Variants in KIF26B observed in about 807,000 individuals in gnomAD.
KIF26B encodes kinesin-like protein KIF26B.
A neutral mutation model predicts 151.2 loss-of-function variants in KIF26B; 63 were observed. The observed-to-expected ratio is 0.42, with a 90% CI of 0.34 to 0.51. The LOEUF is 0.51. Ranked by LOEUF, KIF26B falls within the 20% of genes least tolerant of loss-of-function variation. KIF26B has a pLI of 0.07. For missense variants in KIF26B, 2,813 were observed against 2,913.6 expected (o/e 0.97, Z 0.79); for synonymous variants, 1,357 against 1,262.1 (o/e 1.08, Z -1.59).
chr1:245,448,644 T>G (rs1371846880), intron 4 of KIF26B, among the ~76,000 whole-genome samples: 1 of 152,224 alleles, frequency 6.6e-6, no homozygotes, highest in African/African-American at 2.4e-5. Flanking sequence ...CTCAAAAGCC[T>G]GGAGGACGCC....
At chr1:245,513,855 C>T (rs368131557) in intron 4 of KIF26B, among the ~76,000 whole-genome samples, 24 of 152,174 alleles carry the variant, frequency 1.6e-4, no homozygotes, top group South Asian at 6.2e-4. Flanking sequence ...AGTGTTACAT[C>T]GGCCCACATT....
chr1:245,270,572 A>G (rs1370086623), intron 2 of KIF26B, among the ~76,000 whole-genome samples: 1 of 152,152 alleles, frequency 6.6e-6, no homozygotes, highest in Non-Finnish European at 1.5e-5. Context: ...TTTTCCTTAC[A>G]GAAAGGTCTA....
At chr1:245,262,103 C>T (rs1370704440) in intron 2 of KIF26B, among the ~76,000 whole-genome samples, 2 of 152,124 alleles carry the variant, frequency 1.3e-5, no homozygotes, top group Admixed American at 6.5e-5. Flanking sequence ...ACACACAGAT[C>T]GGGCATGTCT....
chr1:245,495,174 G>T lies in KIF26B; in HGVS notation c.1167-45593G>T, dbSNP rs4338395. ...AGTACAAGACAGATTCAGTGAAATG[G>T]AATGCAAATCAGTTGAAAATATCCA... is the stretch of plus-strand genomic sequence containing the variant. On this transcript the variant is annotated intron_variant, in intron 4 of 14. Coordinates refer to ENST00000407071, the MANE Select transcript of KIF26B (RefSeq NM_018012.4). This position sits in a 1 kb window ranked among gnomAD's most constrained non-coding sequence, Gnocchi z 4.2. 0.033 allele frequency among the ~76,000 whole-genome samples: 5,039 copies of T among 152,230 alleles called. 132 individuals carry two copies. The highest frequency in any genetic ancestry group is 0.05 in the Non-Finnish European group (3,382 of 68,006).
intron 2 of KIF26B, among the ~76,000 whole-genome samples, chr1:245,256,837 G>A (rs1404597056): frequency 6.6e-6 from 1 of 152,136 alleles, no homozygotes; most frequent in African/African-American, 2.4e-5. Flanking sequence ...AGAAATAAAA[G>A]TATTTTGCCT....
In KIF26B at chr1:245,694,224, C is replaced by T. The variant is rs750613519; in HGVS notation, c.5825-3882C>T. On this transcript the variant is annotated intron_variant, in intron 12 of 14. Coordinates refer to ENST00000407071, the MANE Select transcript of KIF26B (RefSeq NM_018012.4). ...TGACAGCAGGCCACACAGCCAGCAT[C>T]GTTCTTCATCATGGAGCTGGCCCCT... 9.2e-5 allele frequency among the ~76,000 whole-genome samples: 14 copies of T among 152,248 alleles called. No individual in the cohort carries two copies. In the South Asian group the frequency reaches 1.7e-3, roughly 18 times the overall value.
chr1:245,205,518 G>A (rs1167572063), intron 2 of KIF26B, among the ~76,000 whole-genome samples: 1 of 152,048 alleles, frequency 6.6e-6, no homozygotes, highest in Non-Finnish European at 1.5e-5. Context: ...GAAAGATGTG[G>A]TTGAGAACTA....
chr1:245,293,837 C>A (rs747802412), intron 2 of KIF26B, among the ~76,000 whole-genome samples: 2 of 152,190 alleles, frequency 1.3e-5, no homozygotes, highest in Admixed American at 6.5e-5. Flanking sequence ...CTCGGCCTCC[C>A]AAAGTGCTGG....
At chr1:245,691,606 C>T (rs1337636758) in intron 12 of KIF26B, among the ~76,000 whole-genome samples, 1 of 152,176 alleles carries the variant, frequency 6.6e-6, no homozygotes, top group Non-Finnish European at 1.5e-5. Context: ...CTATAAAACT[C>T]CTCCAAGGAA....
At chr1:245,605,753 C>T (rs575663389) in intron 6 of KIF26B, among the ~76,000 whole-genome samples, 2 of 152,182 alleles carry the variant, frequency 1.3e-5, no homozygotes, top group Admixed American at 1.3e-4. Context: ...TTAACACACA[C>T]CAGATGGACA....
chr1:245,593,621 A>G (rs1333979615), intron 5 of KIF26B, among the ~76,000 whole-genome samples: 1 of 151,936 alleles, frequency 6.6e-6, no homozygotes, highest in Admixed American at 6.6e-5. Context: ...GAACAGTGCC[A>G]CAATAAACAT....
chr1:245,259,562 A>G (rs1023899424), intron 2 of KIF26B, among the ~76,000 whole-genome samples: 8 of 152,114 alleles, frequency 5.3e-5, no homozygotes, highest in African/African-American at 1.9e-4. Context: ...ACTAAAAGCA[A>G]ACTTCACCCA....
intron 2 of KIF26B, among the ~76,000 whole-genome samples, chr1:245,247,289 A>G (rs1298400821): frequency 8.5e-6 from 1 of 117,792 alleles, no homozygotes; most frequent in African/African-American, 3.6e-5. Context: ...CATCTCTACT[A>G]AAAAAAAAAA....
At chr1:245,229,143 A>AT (rs1460726204) in intron 2 of KIF26B, among the ~76,000 whole-genome samples, 2 of 151,586 alleles carry the variant, frequency 1.3e-5, no homozygotes, top group East Asian at 3.9e-4. Flanking sequence ...ATTTTTAAAA[A>AT]TTTTTTTTAG....
At chr1:245,609,588 G>C (rs985942640) in intron 8 of KIF26B, 60 bp downstream of exon 8, 2 of 1,441,472 alleles carry the variant, frequency 1.4e-6, no homozygotes, top group Non-Finnish European at 9.1e-7. Flanking sequence ...TCAGAGGCTG[G>C]GGCAGCTCCA....
At chr1:245,156,149 G>A in intron 1 of KIF26B, 133 bp from the exon 2 acceptor site, 1 of 1,337,452 alleles carries the variant, frequency 7.5e-7, no homozygotes, top group Non-Finnish European at 9.8e-7. Flanking sequence ...TTTGGCCGCA[G>A]GGCTTGGAGA....
At chr1:245,224,803 C>T (rs972067222) in intron 2 of KIF26B, among the ~76,000 whole-genome samples, 17 of 152,278 alleles carry the variant, frequency 1.1e-4, no homozygotes, top group African/African-American at 4.1e-4. Context: ...GTGGCGTAGA[C>T]CAATGGATTT....
intron 3 of KIF26B, among the ~76,000 whole-genome samples, chr1:245,394,691 T>TTTC (rs1673784711): frequency 7.0e-6 from 1 of 143,600 alleles, no homozygotes; most frequent in African/African-American, 2.7e-5. Context: ...TTTCTTTCTT[T>TTTC]TTTTTTTTTT....
At chr1:245,586,401 C>A (rs1412266585) in intron 5 of KIF26B, among the ~76,000 whole-genome samples, 1 of 152,112 alleles carries the variant, frequency 6.6e-6, no homozygotes, top group Non-Finnish European at 1.5e-5. Context: ...AAATTAACAC[C>A]TGGAGTTTTG....
Sources: allele counts gnomAD v4.1 joint callset (sites outside exome capture counted in the v4.1 genomes callset), GRCh38; gene constraint gnomAD v4.1.1; non-coding constraint Gnocchi (gnomAD v3.1); transcripts MANE v1.5; gene names NCBI Gene and HGNC (gene_info 2026-07-23, HGNC 2026-07-21).